AMY2B: variants seen among roughly 807,000 people sequenced by gnomAD.
The protein encoded by AMY2B is amylase alpha 2B.
AMY2B carries 63 observed loss-of-function variants against 59.3 expected under a neutral mutation model. That is an observed-to-expected ratio of 1.06 (90% CI 0.87 to 1.31). AMY2B has a LOEUF of 1.31. AMY2B is among the 50% of genes most tolerant of loss of function. AMY2B has a pLI of 0.00. For missense variants in AMY2B, 635 were observed against 626.7 expected (o/e 1.01, Z -0.14); for synonymous variants, 180 against 198.1 (o/e 0.91, Z 0.77).
At chr1:103,559,116 G>A (rs1402207663) in intron 1 of AMY2B, among the ~76,000 whole-genome samples, 3 of 152,152 alleles carry the variant, frequency 2.0e-5, no homozygotes, top group Admixed American at 6.5e-5. Context: ...GAGGGACGAG[G>A]AACCACTGTA....
chr1:103,576,785 C>T (rs1193146558), intron 7 of AMY2B, among the ~76,000 whole-genome samples: 3 of 152,200 alleles, frequency 2.0e-5, no homozygotes, highest in Non-Finnish European at 4.4e-5. Context: ...AACAATATTC[C>T]CATTTTACAA....
chr1:103,567,352 C>A (rs1206133730), upstream of AMY2B, among the ~76,000 whole-genome samples: 1 of 152,108 alleles, frequency 6.6e-6, no homozygotes, highest in East Asian at 1.9e-4. Flanking sequence ...GACCAAAGGG[C>A]AGCATCAGGA....
chr1:103,570,999 G>A, upstream of AMY2B: 1 of 378,494 alleles, frequency 2.6e-6, no homozygotes, highest in Non-Finnish European at 4.7e-6. Flanking sequence ...TGCATGGCCA[G>A]CAGTCTCTGA....
At chr1:103,576,117 T>A (rs1273113137) in intron 7 of AMY2B, among the ~76,000 whole-genome samples, 4 of 152,184 alleles carry the variant, frequency 2.6e-5, no homozygotes, top group South Asian at 2.1e-4. Flanking sequence ...TAAAGACATT[T>A]ATCTGATGAG....
exon 1 of AMY2B, chr1:103,554,752 A>G (rs1408998379): frequency 6.6e-6 from 1 of 152,598 alleles, no homozygotes; most frequent in East Asian, 1.9e-4. Context: ...ATCTGCTACT[A>G]TTATTAGATC....
At chr1:103,564,093 A>G (rs1312251544) in intron 1 of AMY2B, among the ~76,000 whole-genome samples, 4 of 152,186 alleles carry the variant, frequency 2.6e-5, no homozygotes, top group Non-Finnish European at 5.9e-5. Context: ...ATTATCAACC[A>G]TATTGAGCTT....
chr1:103,559,737 A>G (rs1046940546), intron 1 of AMY2B, among the ~76,000 whole-genome samples: 1 of 152,190 alleles, frequency 6.6e-6, no homozygotes, highest in African/African-American at 2.4e-5. Flanking sequence ...CTTGCTAGTA[A>G]TTGGGAAAAG....
Position 103,579,502 on chromosome 1 carries a change from AT to A in AMY2B, c.*5del, listed in dbSNP as rs748213946. ...ATTCATGCTGAATCTAAATTATAAA[AT>A]TTAAAATTAAATGCATATCCTCAAA... is the stretch of plus-strand genomic sequence containing the variant. On this transcript the variant is annotated 3_prime_UTR_variant, in exon 10 of 10. Transcript: ENST00000684275. 1.2e-6 allele frequency: 2 copies of A among 1,608,652 alleles called. No homozygotes were observed. The highest frequency in any genetic ancestry group is 4.5e-5 in the East Asian group (2 of 44,808).
At chr1:103,555,054 C>T (rs921094961) in exon 1 of AMY2B, 5 of 151,738 alleles carry the variant, frequency 3.3e-5, no homozygotes, top group African/African-American at 9.7e-5. Flanking sequence ...ATCCCGTGTC[C>T]TTCAAGTGCT....
intron 5 of AMY2B, 78 bp downstream of exon 5, chr1:103,574,471 G>C: frequency 6.2e-7 from 1 of 1,601,398 alleles, no homozygotes; most frequent in Non-Finnish European, 8.5e-7. Flanking sequence ...TTATCTTCTG[G>C]AACATTCTTT....
chr1:103,576,769 C>A (rs1652371993), intron 7 of AMY2B, among the ~76,000 whole-genome samples: 2 of 151,956 alleles, frequency 1.3e-5, no homozygotes. Flanking sequence ...ATTTTTATAG[C>A]AAAAAAACAA....
At chr1:103,574,187 T>A (rs1384392597) in intron 4 of AMY2B, 73 bp from the exon 5 acceptor site, 2 of 1,594,950 alleles carry the variant, frequency 1.3e-6, no homozygotes, top group Non-Finnish European at 1.7e-6. Context: ...ATCTTTTATA[T>A]AATATTAACT....
At chr1:103,568,302 A>T (rs186815624), upstream of AMY2B, 3 of 152,168 alleles carry the variant, frequency 2.0e-5, no homozygotes, top group African/African-American at 7.2e-5. Flanking sequence ...ATAGCATTTC[A>T]CTTACATTAC....
intron 9 of AMY2B, among the ~76,000 whole-genome samples, chr1:103,578,722 A>G (rs1227871323): frequency 6.6e-6 from 1 of 152,190 alleles, no homozygotes; most frequent in Non-Finnish European, 1.5e-5. Flanking sequence ...ATTTCAAACT[A>G]TCACTTCTTC....
At chr1:103,555,953 G>A (rs1008668098) in intron 1 of AMY2B, among the ~76,000 whole-genome samples, 5 of 152,114 alleles carry the variant, frequency 3.3e-5, no homozygotes, top group Non-Finnish European at 7.4e-5. Flanking sequence ...AGAAGGGTTC[G>A]TTTTAAAGAT....
intron 3 of AMY2B, 22 bp downstream of exon 3, chr1:103,573,282 A>C (rs371748405): frequency 7.4e-6 from 12 of 1,613,358 alleles, no homozygotes; most frequent in Non-Finnish European, 1.0e-5. Context: ...TATGAGAGTC[A>C]TCTGAATAAG....
intron 1 of AMY2B, among the ~76,000 whole-genome samples, chr1:103,564,587 C>A (rs1185802835): frequency 6.6e-6 from 1 of 152,066 alleles, no homozygotes; most frequent in Non-Finnish European, 1.5e-5. Flanking sequence ...CATCCAATAT[C>A]TTTTTTGGTA....
At chr1:103,561,876 G>GA (rs1484669161) in intron 1 of AMY2B, 1 of 152,094 alleles carries the variant, frequency 6.6e-6, no homozygotes, top group African/African-American at 2.4e-5. Context: ...GGAGTTCAGA[G>GA]AAGATTCCTT....
At chr1:103,559,414 G>A (rs1651663022) in intron 1 of AMY2B, among the ~76,000 whole-genome samples, 1 of 152,074 alleles carries the variant, frequency 6.6e-6, no homozygotes, top group African/African-American at 2.4e-5. Flanking sequence ...TTACCTAAGG[G>A]CTTTCTCTTC....
Sources: allele counts gnomAD v4.1 joint callset (sites outside exome capture counted in the v4.1 genomes callset), GRCh38; gene constraint gnomAD v4.1.1; transcripts MANE v1.5; gene names NCBI Gene and HGNC (gene_info 2026-07-23, HGNC 2026-07-21).